Variants in SUMF1 observed in about 807,000 individuals in gnomAD.
The protein encoded by SUMF1 is sulfatase modifying factor 1.
A neutral mutation model predicts 47.6 loss-of-function variants in SUMF1; 48 were observed. That is an observed-to-expected ratio of 1.01 (90% CI 0.80 to 1.28). The LOEUF (loss-of-function observed/expected upper bound fraction) is 1.28, where lower values mean the gene tolerates loss of function less well. Ranked by LOEUF, SUMF1 falls within the 50% of genes most tolerant of loss-of-function variation. The pLI is 0.00. For missense variants in SUMF1, 571 were observed against 485.4 expected, an observed-to-expected ratio of 1.18 and a Z score of -1.66; for synonymous variants, 230 against 192.1, an observed-to-expected ratio of 1.20 and a Z score of -1.63.
chr3:4,459,798 C>A (rs2079763265), intron 1 of SUMF1, among the ~76,000 whole-genome samples: 1 of 152,174 alleles, frequency 6.6e-6, no homozygotes, highest in Non-Finnish European at 1.5e-5. Flanking sequence ...TGTCTTCAGT[C>A]TCCTTTCACA....
At chr3:4,453,980 C>T (rs1208432373) in intron 1 of SUMF1, among the ~76,000 whole-genome samples, 1 of 152,098 alleles carries the variant, frequency 6.6e-6, no homozygotes, top group African/African-American at 2.4e-5. Flanking sequence ...TTTCTTTATA[C>T]ATTTTTTATT....
intron 8 of SUMF1, among the ~76,000 whole-genome samples, chr3:4,133,347 G>T (rs1248723925): frequency 6.6e-6 from 1 of 152,072 alleles, no homozygotes; most frequent in Non-Finnish European, 1.5e-5. Flanking sequence ...CCTTATTATT[G>T]TCCTTATTTG....
At chr3:4,462,660 TA>T (rs2079843956) in intron 1 of SUMF1, among the ~76,000 whole-genome samples, 1 of 152,158 alleles carries the variant, frequency 6.6e-6, no homozygotes, top group Non-Finnish European at 1.5e-5. Context: ...ACCTTAACAT[TA>T]AAAGCTAAAG....
At chr3:4,420,272 T>C in intron 3 of SUMF1, 126 bp from the exon 4 acceptor site, 4 of 741,886 alleles carry the variant, frequency 5.4e-6, no homozygotes, top group Non-Finnish European at 9.7e-6. Context: ...ACAAATACAT[T>C]TGCCAGAATA....
chr3:4,120,035 G>A (rs1285696416), intron 8 of SUMF1, among the ~76,000 whole-genome samples: 2 of 152,126 alleles, frequency 1.3e-5, no homozygotes, highest in Non-Finnish European at 2.9e-5. Flanking sequence ...TAGCCCCTGT[G>A]CAGACATATC....
At chr3:4,381,065 T>C (rs1700488545) in intron 7 of SUMF1, among the ~76,000 whole-genome samples, 1 of 152,154 alleles carries the variant, frequency 6.6e-6, no homozygotes, top group Admixed American at 6.5e-5. Context: ...CTGCACTCTG[T>C]GTAGTCAAGA....
intron 8 of SUMF1, among the ~76,000 whole-genome samples, chr3:4,318,022 C>T (rs1425421581): frequency 6.6e-6 from 1 of 152,072 alleles, no homozygotes; most frequent in Non-Finnish European, 1.5e-5. Flanking sequence ...GGTTCCTGCC[C>T]TGAGCCCTGC....
chr3:4,071,340 G>A (rs1695520175), intron 8 of SUMF1, among the ~76,000 whole-genome samples: 1 of 152,156 alleles, frequency 6.6e-6, no homozygotes, highest in Non-Finnish European at 1.5e-5. Context: ...AAAGCAGGGT[G>A]GGGCATCGCC....
At chr3:4,445,482 C>A (rs1351011333) in intron 3 of SUMF1, among the ~76,000 whole-genome samples, 2 of 152,102 alleles carry the variant, frequency 1.3e-5, no homozygotes, top group Non-Finnish European at 2.9e-5. Context: ...GGACTATGAA[C>A]ACATGCTACC....
chr3:4,435,529 T>G (rs1056476911), intron 3 of SUMF1, among the ~76,000 whole-genome samples: 1 of 152,112 alleles, frequency 6.6e-6, no homozygotes, highest in African/African-American at 2.4e-5. Flanking sequence ...AAAACATAAA[T>G]GGACACATAC....
At chr3:4,093,624 G>C (rs1272249225) in intron 8 of SUMF1, among the ~76,000 whole-genome samples, 2 of 152,056 alleles carry the variant, frequency 1.3e-5, no homozygotes, top group African/African-American at 4.8e-5. Context: ...AACAATCTAA[G>C]AATTGCAAAT....
intron 1 of SUMF1, 67 bp from the exon 2 acceptor site, chr3:4,453,116 G>T: frequency 2.6e-6 from 4 of 1,519,564 alleles, no homozygotes; most frequent in Non-Finnish European, 2.7e-6. Context: ...TAGGGGTAAA[G>T]TTCCTAGCAC....
At chr3:4,253,066 G>C in intron 8 of SUMF1, among the ~76,000 whole-genome samples, 1 of 152,112 alleles carries the variant, frequency 6.6e-6, no homozygotes, top group East Asian at 1.9e-4. Context: ...TAAAAATCTA[G>C]CTATATGTTA....
intron 8 of SUMF1, among the ~76,000 whole-genome samples, chr3:4,257,006 A>T (rs1696970567): frequency 8.2e-6 from 1 of 122,328 alleles, no homozygotes; most frequent in African/African-American, 3.8e-5. Context: ...CCAAAGACAA[A>T]AACCACATGA....
At chr3:4,304,576 TA>T (rs1690249442) in intron 8 of SUMF1, among the ~76,000 whole-genome samples, 1 of 152,238 alleles carries the variant, frequency 6.6e-6, no homozygotes, top group African/African-American at 2.4e-5. Flanking sequence ...ACATCTTAGC[TA>T]CTTCCCAGAG....
intron 1 of SUMF1, among the ~76,000 whole-genome samples, chr3:4,459,273 A>G (rs1464153327): frequency 6.6e-6 from 1 of 152,230 alleles, no homozygotes; most frequent in Non-Finnish European, 1.5e-5. Flanking sequence ...CAATGTAAAC[A>G]TATATCAAAA....
At chr3:4,401,428 G>T (rs1199097488) in intron 7 of SUMF1, among the ~76,000 whole-genome samples, 1 of 152,072 alleles carries the variant, frequency 6.6e-6, no homozygotes, top group Non-Finnish European at 1.5e-5. Flanking sequence ...TACACTCGGT[G>T]GAAATCATTT....
At chr3:4,415,367 G>C (rs1466504946) in intron 6 of SUMF1, among the ~76,000 whole-genome samples, 1 of 152,018 alleles carries the variant, frequency 6.6e-6, no homozygotes, top group African/African-American at 2.4e-5. Context: ...GCCAACAAAA[G>C]AATGGTGAGA....
intron 2 of SUMF1, among the ~76,000 whole-genome samples, chr3:4,450,267 G>C (rs986779515): frequency 6.6e-6 from 1 of 152,138 alleles, no homozygotes; most frequent in Non-Finnish European, 1.5e-5. Flanking sequence ...ATCGATTCTT[G>C]TTGATGGACA....
Sources: gnomAD v4.1 joint callset for allele counts (sites outside exome capture counted in the v4.1 genomes callset) on GRCh38, gnomAD v4.1.1 for gene constraint, MANE v1.5 for transcripts, NCBI Gene and HGNC (gene_info 2026-07-23, HGNC 2026-07-21) for gene names.